Variants in ADGRG6 observed in about 807,000 individuals in gnomAD.
The protein encoded by ADGRG6 is G-protein coupled receptor 126.
ADGRG6 carries 84 observed loss-of-function variants against 142.4 expected under a neutral mutation model. That is an observed-to-expected ratio of 0.59 (90% CI 0.49 to 0.71). The LOEUF is 0.71. Among genes scored for constraint, ADGRG6 ranks in the 30% least tolerant of loss-of-function variants. ADGRG6 has a pLI of 0.00. For missense variants in ADGRG6, 1,367 were observed against 1,466.6 expected (o/e 0.93, Z 1.11); for synonymous variants, 521 against 520.5 (o/e 1.00, Z -0.01).
chr6:142,443,404 C>G lies in ADGRG6; in HGVS notation c.3642C>G (p.Ile1214Met). 6.2e-7 allele frequency: 1 copy of G among 1,611,650 alleles called. No homozygotes were observed. The highest frequency in any genetic ancestry group is 8.5e-7 in the Non-Finnish European group (1 of 1,177,918). ...CTGATGGAGATCAAACATCAATCATCCCTGTCCATCAGGTCATTGATAAGG... is the reference window on the plus strand; with the variant it reads ...CTGATGGAGATCAAACATCAATCATGCCTGTCCATCAGGTCATTGATAAGG... ...AHADGDQTSI[I>M]PVHQVIDKVK... is the part of the protein sequence containing the mutation. Residue 1214 changes from isoleucine to methionine, a missense_variant, in exon 25 of 25, where the codon ATC becomes ATG. Ile to Met is a conservative substitution (Grantham distance 10, BLOSUM62 1). Coordinates refer to ENST00000367609, the MANE Select transcript of ADGRG6 (RefSeq NM_198569.3).
intron 24 of ADGRG6, among the ~76,000 whole-genome samples, chr6:142,442,852 AAT>A (rs1777823620): frequency 6.6e-6 from 1 of 152,114 alleles, no homozygotes; most frequent in South Asian, 2.1e-4. Flanking sequence ...CTATATAAAA[AAT>A]AGAGAGGATA....
chr6:142,327,328 G>A (rs1778825282), intron 2 of ADGRG6, among the ~76,000 whole-genome samples: 1 of 151,838 alleles, frequency 6.6e-6, no homozygotes, highest in Non-Finnish European at 1.5e-5. Flanking sequence ...GCAACTTTCT[G>A]TGTAAACTGG....
chr6:142,323,183 T>C (rs1346589743), intron 2 of ADGRG6, among the ~76,000 whole-genome samples: 1 of 151,804 alleles, frequency 6.6e-6, no homozygotes, highest in Non-Finnish European at 1.5e-5. Context: ...AGCAAACTAA[T>C]AGGACCCATA....
chr6:142,444,087 A>G lies in ADGRG6; in HGVS notation c.*572A>G, dbSNP rs1777880064. 1 of 152,214 alleles carries G rather than the reference A, an allele frequency of 6.6e-6. No homozygotes were observed. The highest frequency in any genetic ancestry group is 6.5e-5 in the Admixed American group (1 of 15,276). The allele number at this position is 152,214 out of a possible 1,614,324, so 9.4% of individuals were successfully genotyped here. A position where few individuals can be genotyped will look rare whatever the true frequency, so the allele number is the denominator to read the frequency against. On this transcript the variant is annotated 3_prime_UTR_variant, in exon 25 of 25. Coordinates refer to ENST00000367609, the MANE Select transcript of ADGRG6 (RefSeq NM_198569.3). ...TAAAAAGGATTTTTTATTATTTTAA[A>G]TATTACACCTTCAGAACCATAACAT...
chr6:142,392,842 T>G, intron 7 of ADGRG6, 106 bp from the exon 8 acceptor site: 2 of 722,738 alleles, frequency 2.8e-6, no homozygotes, highest in South Asian at 1.7e-5. Flanking sequence ...TTCAGGATTT[T>G]CCCAGGGTCT....
chr6:142,376,841 T>A (rs944245705), intron 4 of ADGRG6, among the ~76,000 whole-genome samples: 1 of 152,220 alleles, frequency 6.6e-6, no homozygotes, highest in Non-Finnish European at 1.5e-5. Flanking sequence ...AAGGAATTAC[T>A]GTTTTTATTT....
Position 142,444,988 on chromosome 6 carries a change from C to G in ADGRG6, c.*1473C>G, listed in dbSNP as rs182504152. 6.7e-3 allele frequency: 1,015 copies of G among 152,228 alleles called. 9 individuals are homozygous for G. The highest frequency in any genetic ancestry group is 0.01 in the Non-Finnish European group (705 of 68,020). The allele number at this position is 152,228 out of a possible 1,614,324, so 9.4% of individuals were successfully genotyped here. On this transcript the variant is annotated 3_prime_UTR_variant, in exon 25 of 25. Transcript: ENST00000367609. ...AAGTCCAGAACCTGGAACCTAGAGG[C>G]CTTTCTCTCTGCACGAAAAACAGGT...
At chr6:142,409,741 A>AT (rs36107130) in intron 16 of ADGRG6, 133 bp from the exon 17 acceptor site, 14 of 493,014 alleles carry the variant, frequency 2.8e-5, no homozygotes, top group African/African-American at 1.2e-4. Context: ...AATTGCCTAC[A>AT]TTTTCAGGTT....
intron 2 of ADGRG6, among the ~76,000 whole-genome samples, chr6:142,352,191 A>G (rs898139491): frequency 1.6e-4 from 25 of 152,214 alleles, no homozygotes; most frequent in Admixed American, 1.5e-3. Context: ...ACTATTCACA[A>G]TAGCAGAGAC....
intron 2 of ADGRG6, among the ~76,000 whole-genome samples, chr6:142,315,378 A>C (rs974173476): frequency 7.2e-5 from 11 of 151,882 alleles, no homozygotes; most frequent in Non-Finnish European, 1.5e-4. Flanking sequence ...GAAAAAAAAA[A>C]CAGAATGGAG....
intron 24 of ADGRG6, among the ~76,000 whole-genome samples, chr6:142,440,658 G>A (rs1777713506): frequency 6.6e-6 from 1 of 152,066 alleles, no homozygotes; most frequent in Non-Finnish European, 1.5e-5. Context: ...AAACCCTTGG[G>A]GCTAAATGGG....
At chr6:142,325,086 G>A (rs774152031) in intron 2 of ADGRG6, among the ~76,000 whole-genome samples, 6 of 152,090 alleles carry the variant, frequency 3.9e-5, no homozygotes, top group Non-Finnish European at 8.8e-5. Context: ...AGCTCATTCT[G>A]CATTTCAGTC....
intron 22 of ADGRG6, among the ~76,000 whole-genome samples, chr6:142,427,497 C>T (rs768848764): frequency 7.2e-5 from 11 of 152,170 alleles, no homozygotes; most frequent in African/African-American, 9.7e-5. Context: ...TAGGAAGTTT[C>T]AAACTTTCCT....
At chr6:142,423,109 G>T (rs1362368050) in intron 22 of ADGRG6, among the ~76,000 whole-genome samples, 2 of 145,044 alleles carry the variant, frequency 1.4e-5, no homozygotes, top group African/African-American at 5.2e-5. Context: ...CTCCCATTTT[G>T]TAGGTTGCCT....
intron 4 of ADGRG6, among the ~76,000 whole-genome samples, chr6:142,374,909 AT>A (rs1233761260): frequency 1.3e-5 from 2 of 152,194 alleles, no homozygotes; most frequent in Non-Finnish European, 2.9e-5. Flanking sequence ...TTATCATTTT[AT>A]TTGTAGACAG....
At chr6:142,379,533 C>T (rs867714659) in intron 4 of ADGRG6, among the ~76,000 whole-genome samples, 9 of 152,062 alleles carry the variant, frequency 5.9e-5, no homozygotes, top group South Asian at 4.1e-4. Flanking sequence ...TTTGGGAGGC[C>T]GAGGCGGGCG....
intron 2 of ADGRG6, among the ~76,000 whole-genome samples, chr6:142,329,174 A>C (rs1778920855): frequency 6.6e-6 from 1 of 152,182 alleles, no homozygotes; most frequent in African/African-American, 2.4e-5. Context: ...TATTTAGCAC[A>C]GTTATTTGCA....
chr6:142,345,118 T>G (rs1779828344), intron 2 of ADGRG6, among the ~76,000 whole-genome samples: 1 of 152,078 alleles, frequency 6.6e-6, no homozygotes, highest in South Asian at 2.1e-4. Flanking sequence ...AACATTTATT[T>G]TGTATTTTCA....
At chr6:142,355,340 G>A (rs1780391763) in intron 2 of ADGRG6, among the ~76,000 whole-genome samples, 1 of 151,818 alleles carries the variant, frequency 6.6e-6, no homozygotes, top group Non-Finnish European at 1.5e-5. Flanking sequence ...TTATAGTTTA[G>A]GGTTATAATA....
Sources: allele counts gnomAD v4.1 joint callset (sites outside exome capture counted in the v4.1 genomes callset), GRCh38; gene constraint gnomAD v4.1.1; transcripts MANE v1.5; gene names NCBI Gene and HGNC (gene_info 2026-07-23, HGNC 2026-07-21).